Variants in AAK1 observed in about 807,000 individuals in gnomAD.
AAK1 encodes the protein AP2 associated kinase 1.
A neutral mutation model predicts 116.0 loss-of-function variants in AAK1; 37 were observed. The ratio of observed to expected loss-of-function variants is 0.32; its 90% confidence interval spans 0.25 to 0.42. The LOEUF is 0.42. Ranked by LOEUF, AAK1 falls within the 10% of genes least tolerant of loss-of-function variation. The probability of loss-of-function intolerance (pLI) is 1.00; values close to 1 mark genes in which losing one functional copy is unlikely to be tolerated. For synonymous variants in AAK1, 458 were observed against 439.9 expected (o/e 1.04, Z -0.51); for missense variants, 919 against 1,170.6 (o/e 0.79, Z 3.14).
intron 2 of AAK1, among the ~76,000 whole-genome samples, chr2:69,606,262 T>C (rs888212727): frequency 1.3e-5 from 2 of 152,216 alleles, no homozygotes; most frequent in African/African-American, 4.8e-5. Context: ...TGTCCATGTC[T>C]TCCCCACTTG....
In AAK1 at chr2:69,474,556, A is replaced by G; in HGVS notation, c.*1313T>C. 1.0e-6 allele frequency: 1 copy of G among 985,360 alleles called. No individual in the cohort carries two copies. The highest frequency in any genetic ancestry group is 1.2e-6 in the Non-Finnish European group (1 of 829,896). The allele number at this position is 985,360 out of a possible 1,614,324, so 61.0% of individuals were successfully genotyped here. Reference sequence around the variant, plus strand: ...TTTATTATTTTTTTTTAATCTAGGAAGCCAAGGAAAACCAGCTGAACATAT... The same window carrying G: ...TTTATTATTTTTTTTTAATCTAGGAGGCCAAGGAAAACCAGCTGAACATAT... On this transcript the variant is annotated 3_prime_UTR_variant, in exon 22 of 22. Transcript: ENST00000409085.
chr2:69,643,180 G>T lies in AAK1; in HGVS notation c.-140C>A, dbSNP rs1675824914. ...GGAGCCACCCGAATCCGGCCGTGGG[G>T]GTGGGGGCTGAGGGAGGATGCCTAT... On this transcript the variant is annotated 5_prime_UTR_variant, in exon 2 of 22. Transcript: ENST00000409085. 9 of 1,434,336 alleles carry T rather than the reference G, an allele frequency of 6.3e-6. No individual in the cohort carries two copies. The highest frequency in any genetic ancestry group is 8.2e-6 in the Non-Finnish European group (9 of 1,103,070). The allele number at this position is 1,434,336 out of a possible 1,614,324, so 88.9% of individuals were successfully genotyped here.
chr2:69,549,352 G>C (rs548982715), intron 3 of AAK1, among the ~76,000 whole-genome samples: 1 of 152,048 alleles, frequency 6.6e-6, no homozygotes, highest in South Asian at 2.1e-4. Context: ...CTGGGTGACA[G>C]AGTGAGACTC....
At chr2:69,513,561 G>C (rs1434169180) in intron 13 of AAK1, among the ~76,000 whole-genome samples, 1 of 152,086 alleles carries the variant, frequency 6.6e-6, no homozygotes, top group Admixed American at 6.5e-5. Flanking sequence ...CTGACCTTGT[G>C]ATCCGCCCGC....
intron 13 of AAK1, among the ~76,000 whole-genome samples, chr2:69,513,361 C>T (rs1409104857): frequency 6.6e-6 from 1 of 151,928 alleles, no homozygotes; most frequent in Non-Finnish European, 1.5e-5. Flanking sequence ...GCTCTGTGGC[C>T]CAGGCTGGAG....
At chr2:69,504,258 A>T (rs926497004) in intron 16 of AAK1, among the ~76,000 whole-genome samples, 2 of 151,620 alleles carry the variant, frequency 1.3e-5, no homozygotes, top group African/African-American at 4.9e-5. Context: ...TTAGCCGGCC[A>T]TAGTGGCATA....
chr2:69,582,091 T>C (rs1237986527), intron 2 of AAK1, among the ~76,000 whole-genome samples: 2 of 152,224 alleles, frequency 1.3e-5, no homozygotes, highest in Admixed American at 6.5e-5. Flanking sequence ...ACTTATTAAG[T>C]ACCTAATTTA....
In AAK1 at chr2:69,578,804, CT is replaced by C. The variant is rs71397337; in HGVS notation, c.164-21827del. On this transcript the variant is annotated intron_variant, in intron 2 of 21. Coordinates refer to ENST00000409085, the MANE Select transcript of AAK1 (RefSeq NM_014911.5). ...AAAAGAAACAAAAATCTCTTCACCT[CT>C]TTTTTTTTTTTTTTTTCAGACGGAG... Among the ~76,000 whole-genome samples the C allele has an allele frequency of 9.9e-3, 1,371 of 139,182 alleles. 18 individuals are homozygous for C. The highest frequency in any genetic ancestry group is 0.013 in the East Asian group (63 of 4,822). The allele number at this position is 139,182 out of a possible 152,430, so 91.3% of individuals were successfully genotyped here.
At chr2:69,610,344 C>A (rs1674023350) in intron 2 of AAK1, among the ~76,000 whole-genome samples, 2 of 152,108 alleles carry the variant, frequency 1.3e-5, no homozygotes, top group South Asian at 2.1e-4. Flanking sequence ...CATGACTACA[C>A]AAAAATTAAC....
At chr2:69,540,427 C>T (rs1173903906) in intron 5 of AAK1, among the ~76,000 whole-genome samples, 1 of 152,070 alleles carries the variant, frequency 6.6e-6, no homozygotes, top group Non-Finnish European at 1.5e-5. Flanking sequence ...GGCCACATTC[C>T]TCTATTTCTA....
rs749787279 is a variant in AAK1, at chr2:69,507,423, T to G, written c.2162A>C (p.Glu721Ala). ...AAAAAAAGACACAGCTTACTCACCT[T>G]CCCCAAGCTTGGCAAAGTCCTTGTT... ...LLNKDFAKLGEGKHPEKLGGS... is the reference protein window; with the variant it reads ...LLNKDFAKLGAGKHPEKLGGS... Residue 721 changes from glutamate to alanine, a missense_variant and splice_region_variant, in exon 15 of 22, where the codon GAA becomes GCA. This residue lies in a region of AAK1 where 125 missense variants were observed against 184.1 expected (regional missense o/e 0.68). Coordinates refer to ENST00000409085, the MANE Select transcript of AAK1 (RefSeq NM_014911.5). 12 of 1,612,018 alleles carry G rather than the reference T, an allele frequency of 7.4e-6. No individual in the cohort carries two copies. The highest frequency in any genetic ancestry group is 6.8e-6 in the Non-Finnish European group (8 of 1,178,994).
In AAK1 at chr2:69,466,643, G is replaced by T; in HGVS notation, c.*9226C>A. On this transcript the variant is annotated 3_prime_UTR_variant, in exon 22 of 22. Coordinates refer to ENST00000409085, the MANE Select transcript of AAK1 (RefSeq NM_014911.5). ...TCAACCCGCGGCAAAAACATTGTGG[G>T]ACCAAATAATAGATGTTGAAAATGC... 1 of 1,087,042 alleles carries T rather than the reference G, an allele frequency of 9.2e-7. No homozygotes were observed. Among genetic ancestry groups the T allele is most frequent in the Non-Finnish European group, 1.1e-6 (1 of 887,958 alleles). The allele number at this position is 1,087,042 out of a possible 1,614,324, so 67.3% of individuals were successfully genotyped here.
At chr2:69,608,241 C>T (rs1314002908) in intron 2 of AAK1, among the ~76,000 whole-genome samples, 1 of 152,236 alleles carries the variant, frequency 6.6e-6, no homozygotes, top group Non-Finnish European at 1.5e-5. Context: ...CAACAGCTTT[C>T]CTCAGAGCCT....
At chr2:69,550,609 A>G (rs1267762664) in intron 3 of AAK1, among the ~76,000 whole-genome samples, 1 of 145,578 alleles carries the variant, frequency 6.9e-6, no homozygotes, top group East Asian at 2.0e-4. Flanking sequence ...TTTTTTTTCT[A>G]TTTTAAAATT....
At chr2:69,624,448 G>A (rs1674805270) in intron 2 of AAK1, among the ~76,000 whole-genome samples, 1 of 152,158 alleles carries the variant, frequency 6.6e-6, no homozygotes, top group Non-Finnish European at 1.5e-5. Flanking sequence ...CAGATTACAG[G>A]GGATGATGTG....
chr2:69,614,113 T>G (rs1488990379), intron 2 of AAK1, among the ~76,000 whole-genome samples: 1 of 152,240 alleles, frequency 6.6e-6, no homozygotes, highest in Non-Finnish European at 1.5e-5. Flanking sequence ...GTTTTCCTTT[T>G]GAGCACCACT....
At chr2:69,620,707 C>A (rs532841806) in intron 2 of AAK1, among the ~76,000 whole-genome samples, 2 of 152,230 alleles carry the variant, frequency 1.3e-5, no homozygotes, top group African/African-American at 4.8e-5. Flanking sequence ...ACTGATTCTC[C>A]TCCCACCTCG....
chr2:69,617,627 T>C (rs1165899076), intron 2 of AAK1, among the ~76,000 whole-genome samples: 2 of 152,222 alleles, frequency 1.3e-5, no homozygotes, highest in African/African-American at 2.4e-5. Context: ...TATTGTAAGA[T>C]GCAGCAAATC....
intron 16 of AAK1, among the ~76,000 whole-genome samples, chr2:69,505,342 C>A (rs1462937374): frequency 2.0e-5 from 3 of 152,122 alleles, no homozygotes; most frequent in African/African-American, 4.8e-5. Flanking sequence ...TGTCCTGCCA[C>A]TTTAATTCAA....
Sources: gnomAD v4.1 joint callset for allele counts (sites outside exome capture counted in the v4.1 genomes callset) on GRCh38, gnomAD v4.1.1 for gene constraint, gnomAD v4.1.1 regional missense constraint, MANE v1.5 for transcripts, NCBI Gene and HGNC (gene_info 2026-07-23, HGNC 2026-07-21) for gene names.